Variants in GABARAPL1 observed in about 807,000 individuals in gnomAD.
GABARAPL1 encodes the protein gamma-aminobutyric acid receptor-associated protein-like 1.
In GABARAPL1, 4 loss-of-function variants were observed where a neutral mutation model predicts 14.5. That is an observed-to-expected ratio of 0.28 (90% CI 0.14 to 0.63). The LOEUF (loss-of-function observed/expected upper bound fraction) is 0.63. Among genes scored for constraint, GABARAPL1 ranks in the 30% least tolerant of loss-of-function variants. The probability of loss-of-function intolerance (pLI) is 0.84; values close to 1 mark genes in which losing one functional copy is unlikely to be tolerated. For synonymous variants in GABARAPL1, 47 were observed against 50.6 expected, an observed-to-expected ratio of 0.93 and a Z score of 0.30; for missense variants, 82 against 139.2, an observed-to-expected ratio of 0.59 and a Z score of 2.07.
chr12:10,220,611 C>T, intron 3 of GABARAPL1, 53 bp downstream of exon 3: 2 of 1,612,754 alleles, frequency 1.2e-6, no homozygotes, highest in South Asian at 1.1e-5. Flanking sequence ...GTCTGGCATC[C>T]TCTAGCCCTT....
At chr12:10,219,333 C>CA (rs374863932) in intron 2 of GABARAPL1, among the ~76,000 whole-genome samples, 62,559 of 139,034 alleles carry the variant, frequency 0.45, 14,921 homozygotes, top group Non-Finnish European at 0.57. Context: ...AAACAAAAAA[C>CA]AAAAAAAAAA....
intron 1 of GABARAPL1, among the ~76,000 whole-genome samples, chr12:10,217,583 C>T (rs1425470145): frequency 2.0e-5 from 3 of 152,080 alleles, no homozygotes; most frequent in African/African-American, 7.2e-5. Flanking sequence ...AATACAAATA[C>T]TTAGCCAGGC....
chr12:10,213,339 ACTTAATC>A, intron 1 of GABARAPL1, 120 bp downstream of exon 1: 1 of 719,800 alleles, frequency 1.4e-6, no homozygotes, highest in Non-Finnish European at 2.6e-6. Flanking sequence ...TCCGAGAATT[ACTTAATC>A]CTGAACGCCC....
rs753855473 is a variant in GABARAPL1 at position 10,220,500 on chromosome 12, T to G, written c.230T>G (p.Phe77Cys). ...RIHLRPEDAL[F>C]FFVNNTIPPT... ...CACCTGAGACCTGAGGACGCCTTATTCTTCTTTGTCAACAACACCATCCCT... is the reference window on the plus strand; with the variant it reads ...CACCTGAGACCTGAGGACGCCTTATGCTTCTTTGTCAACAACACCATCCCT... The change falls in exon 3 of 4, where the codon TTC becomes TGC. Residue 77 changes from phenylalanine (F) to cysteine (C), a missense_variant. Physicochemically the swap from Phe to Cys is radical, Grantham distance 205 (BLOSUM62 -2). Coordinates refer to ENST00000266458, the MANE Select transcript of GABARAPL1 (RefSeq NM_031412.4). The G allele has an allele frequency of 6.2e-7, 1 of 1,613,846 alleles. No individual in the cohort carries two copies. The highest frequency in any genetic ancestry group is 1.3e-5 in the African/African-American group (1 of 75,030).
rs1949067899 is a variant in GABARAPL1 at position 10,213,235 on chromosome 12, C to G, written c.90+16C>G. The G allele has an allele frequency of 9.4e-7, 1 of 1,068,970 alleles. No individual in the cohort carries two copies. The highest frequency in any genetic ancestry group is 1.6e-5 in the African/African-American group (1 of 61,862). 66.2% of individuals were successfully genotyped at this position (1,068,970 alleles called of 1,614,324 possible). ...CAGGGTCCCCGTGAGTGTAGAGGAG[C>G]GGAGGGGATGGGAGGGGAAGGGCCC... On this transcript the variant is annotated intron_variant, in intron 1 of 3. Transcript: ENST00000266458.
intron 1 of GABARAPL1, among the ~76,000 whole-genome samples, chr12:10,217,118 A>T (rs951997001): frequency 7.9e-5 from 12 of 152,184 alleles, no homozygotes; most frequent in Non-Finnish European, 7.3e-5. Context: ...ATTTTTATAG[A>T]TCTAGTACAG....
intron 1 of GABARAPL1, chr12:10,214,618 C>T (rs1318154184): frequency 6.7e-6 from 1 of 149,514 alleles, no homozygotes; most frequent in African/African-American, 2.5e-5. Flanking sequence ...ATTATAAGTA[C>T]TCAGTCTGTA....
Position 10,221,960 on chromosome 12 carries a change from G to A in GABARAPL1, c.*108G>A. The A allele has an allele frequency of 1.1e-6, 1 of 891,500 alleles. No individual in the cohort carries two copies. The highest frequency in any genetic ancestry group is 1.8e-6 in the Non-Finnish European group (1 of 543,328). The allele number at this position is 891,500 out of a possible 1,614,324, so 55.2% of individuals were successfully genotyped here. ...GGCTCCCACCGCAAGGAGACAGAAG[G>A]TGAAGACATCTAGAAACATTACACC... On this transcript the variant is annotated 3_prime_UTR_variant, in exon 4 of 4. Coordinates refer to ENST00000266458, the MANE Select transcript of GABARAPL1 (RefSeq NM_031412.4).
intron 2 of GABARAPL1, among the ~76,000 whole-genome samples, chr12:10,219,737 A>G (rs1352481861): frequency 6.6e-6 from 1 of 151,778 alleles, no homozygotes; most frequent in Non-Finnish European, 1.5e-5. Flanking sequence ...GGAGGTGGAG[A>G]TTGCAGTGAG....
chr12:10,215,347 A>G (rs1949081689), intron 1 of GABARAPL1, among the ~76,000 whole-genome samples: 1 of 152,196 alleles, frequency 6.6e-6, no homozygotes, highest in Non-Finnish European at 1.5e-5. Flanking sequence ...GCCTTCAGAG[A>G]GGAAGGGTTG....
chr12:10,221,088 A>C, intron 3 of GABARAPL1: 1 of 985,414 alleles, frequency 1.0e-6, no homozygotes, highest in Non-Finnish European at 1.2e-6. Flanking sequence ...GGCTTAAGAC[A>C]ACCACATTGA....
intron 1 of GABARAPL1, among the ~76,000 whole-genome samples, chr12:10,215,867 C>G (rs58421114): frequency 0.025 from 3,764 of 148,908 alleles, 158 homozygotes; most frequent in African/African-American, 0.087. Flanking sequence ...CACAAAACAA[C>G]TTTTTGTTTT....
Position 10,222,026 on chromosome 12 carries a change from T to G in GABARAPL1, c.*174T>G, listed in dbSNP as rs1949122671. On this transcript the variant is annotated 3_prime_UTR_variant, in exon 4 of 4. Coordinates refer to ENST00000266458, the MANE Select transcript of GABARAPL1 (RefSeq NM_031412.4). Reference sequence around the variant, plus strand: ...ACATTTTCACATGCTCAATTGATATTTTTTGCTGCTTCCTCGGCCCAGGGA... The same window carrying G: ...ACATTTTCACATGCTCAATTGATATGTTTTGCTGCTTCCTCGGCCCAGGGA... 2 of 626,448 alleles carry G rather than the reference T, an allele frequency of 3.2e-6. No homozygotes were observed. Among genetic ancestry groups the G allele is most frequent in the Non-Finnish European group, 5.7e-6 (2 of 352,470 alleles). The allele number at this position is 626,448 out of a possible 1,614,324, so 38.8% of individuals were successfully genotyped here. A position where few individuals can be genotyped will look rare whatever the true frequency, so the allele number is the denominator to read the frequency against.
At chr12:10,218,207 C>T in intron 2 of GABARAPL1, 66 bp downstream of exon 2, 1 of 898,866 alleles carries the variant, frequency 1.1e-6, no homozygotes, top group Non-Finnish European at 1.9e-6. Context: ...TCATTACATG[C>T]ATGAGATTGT....
In GABARAPL1 at chr12:10,222,842, C is replaced by G. The variant is rs1388304566; in HGVS notation, c.*990C>G. 6.6e-6 allele frequency: 1 copy of G among 152,514 alleles called. No individual in the cohort carries two copies. The highest frequency in any genetic ancestry group is 1.5e-5 in the Non-Finnish European group (1 of 68,056). The allele number at this position is 152,514 out of a possible 1,614,324, so 9.4% of individuals were successfully genotyped here. A position where few individuals can be genotyped will look rare whatever the true frequency, so the allele number is the denominator to read the frequency against. On this transcript the variant is annotated 3_prime_UTR_variant, in exon 4 of 4. Transcript: ENST00000266458. Reference sequence around the variant, plus strand: ...TGCTACATGATGGCCAGCTGCTTCCCTCCTTGGTTATCATCCACTGCAGCT... The same window carrying G: ...TGCTACATGATGGCCAGCTGCTTCCGTCCTTGGTTATCATCCACTGCAGCT...
chr12:10,218,021 C>G, intron 1 of GABARAPL1, 42 bp from the exon 2 acceptor site: 1 of 1,174,888 alleles, frequency 8.5e-7, no homozygotes, highest in Non-Finnish European at 1.3e-6. Flanking sequence ...TACTAGATTG[C>G]CTTCTGTAGT....
At chr12:10,221,355 GT>G (rs1446049790) in intron 3 of GABARAPL1, 4 of 981,086 alleles carry the variant, frequency 4.1e-6, no homozygotes, top group Non-Finnish European at 4.8e-6. Flanking sequence ...TATAACTATT[GT>G]TTTTTGCAGT....
rs1368631242 is a variant in GABARAPL1, at chr12:10,222,948, T to TG, written c.*1100dup. 1 of 152,516 alleles carries TG rather than the reference T, an allele frequency of 6.6e-6. No individual in the cohort carries two copies. The highest frequency in any genetic ancestry group is 1.5e-5 in the Non-Finnish European group (1 of 68,018). 9.4% of individuals were successfully genotyped at this position (152,516 alleles called of 1,614,324 possible). ...ATTTATTTTCACTTTTGGGATTTTGTGGGGTGGGAGTGGGGAGCAGGAATT... is the reference window on the plus strand; with the variant it reads ...ATTTATTTTCACTTTTGGGATTTTGTGGGGGTGGGAGTGGGGAGCAGGAATT... On this transcript the variant is annotated 3_prime_UTR_variant, in exon 4 of 4. Transcript: ENST00000266458.
chr12:10,220,593 C>T, intron 3 of GABARAPL1, 35 bp downstream of exon 3: 1 of 1,613,656 alleles, frequency 6.2e-7, no homozygotes, highest in Non-Finnish European at 8.5e-7. Flanking sequence ...TGGATGCCGT[C>T]CAGTGCAGTC....
Sources: allele counts gnomAD v4.1 joint callset (sites outside exome capture counted in the v4.1 genomes callset), GRCh38; gene constraint gnomAD v4.1.1; transcripts MANE v1.5; gene names NCBI Gene and HGNC (gene_info 2026-07-23, HGNC 2026-07-21).